The following ACVR2B variants were observed in gnomAD, a reference collection of about 807,000 sequenced individuals.
ACVR2B encodes the protein activin receptor type-2B.
A neutral mutation model predicts 65.1 loss-of-function variants in ACVR2B; 18 were observed. The ratio of observed to expected loss-of-function variants is 0.28; its 90% CI spans 0.19 to 0.41. The LOEUF is 0.41. Among genes scored for constraint, ACVR2B ranks in the 10% least tolerant of loss-of-function variants. ACVR2B has a pLI of 1.00. For missense variants in ACVR2B, 482 were observed against 682.7 expected (o/e 0.71, Z 3.28); for synonymous variants, 298 against 277.7 (o/e 1.07, Z -0.73).
At position 38,477,244 on chromosome 3, in the gene ACVR2B, T is replaced by A; in HGVS notation, c.53-43T>A. On this transcript the variant is annotated intron_variant, in intron 1 of 10. Coordinates refer to ENST00000352511, the MANE Select transcript of ACVR2B (RefSeq NM_001106.4). This position sits in a 1 kb window ranked among gnomAD's most constrained non-coding sequence, Gnocchi z 6.7. ...CTGGGAGTAGGGGTTTGGGTGGTGG[T>A]CCCAGGGGCATGCTCAGTGGTTCTC... 6.2e-7 allele frequency: 1 copy of A among 1,609,110 alleles called. No individual in the cohort carries two copies. The highest frequency in any genetic ancestry group is 1.1e-5 in the South Asian group (1 of 90,786).
chr3:38,482,379 G>C, intron 9 of ACVR2B, 43 bp downstream of exon 9: 1 of 1,610,400 alleles, frequency 6.2e-7, no homozygotes, highest in Non-Finnish European at 8.5e-7. Context: ...TTGAGTGATA[G>C]GGAGCAGTGG....
At chr3:38,463,034 C>T (rs527853011) in intron 1 of ACVR2B, among the ~76,000 whole-genome samples, 4 of 152,056 alleles carry the variant, frequency 2.6e-5, no homozygotes, top group East Asian at 1.9e-4. Flanking sequence ...ATGAAGGGTG[C>T]GCGGACATGG....
chr3:38,464,535 T>C (rs1007184716), intron 1 of ACVR2B, among the ~76,000 whole-genome samples: 1 of 152,110 alleles, frequency 6.6e-6, no homozygotes, highest in Non-Finnish European at 1.5e-5. Context: ...ACCAGGCCAG[T>C]ATCTGCATGA....
chr3:38,478,637 G>A, intron 5 of ACVR2B, 119 bp downstream of exon 5: 1 of 1,364,176 alleles, frequency 7.3e-7, no homozygotes, highest in Non-Finnish European at 1.0e-6. Flanking sequence ...AGAAAAGTGA[G>A]CCTTACTGGG....
Position 38,482,192 on chromosome 3 carries a change from A to C in ACVR2B, c.1075-6A>C, listed in dbSNP as rs759519802. 1.2e-6 allele frequency: 2 copies of C among 1,613,534 alleles called. No individual in the cohort carries two copies. Among genetic ancestry groups the C allele is most frequent in the Non-Finnish European group, 1.7e-6 (2 of 1,179,914 alleles). On this transcript the variant is annotated splice_polypyrimidine_tract_variant and splice_region_variant and intron_variant, in intron 8 of 10. Transcript: ENST00000352511. ...GTAAATCCTGCCCTCCTCTGTCCTC[A>C]CATAGGTAGGCACGAGACGGTACAT...
At chr3:38,459,042 G>A (rs923885751) in intron 1 of ACVR2B, among the ~76,000 whole-genome samples, 1 of 152,144 alleles carries the variant, frequency 6.6e-6, no homozygotes, top group Non-Finnish European at 1.5e-5. Flanking sequence ...GCAGAGGTGA[G>A]AGCAAAATCA....
rs1056241459 is a variant in ACVR2B at position 38,481,141 on chromosome 3, A to T, written c.960-210A>T. ...GTGTTGCTTTGCCAACCCTGGGGGA[A>T]GCCTTCCATCTGAAGTGCACTGAGG... On this transcript the variant is annotated intron_variant, in intron 7 of 10. Coordinates refer to ENST00000352511, the MANE Select transcript of ACVR2B (RefSeq NM_001106.4). This position sits in a 1 kb window ranked among gnomAD's most constrained non-coding sequence, Gnocchi z 4.7. Among the ~76,000 whole-genome samples the T allele has an allele frequency of 6.6e-6, 1 of 152,126 alleles. No homozygotes were observed. The highest frequency in any genetic ancestry group is 2.4e-5 in the African/African-American group (1 of 41,410).
At position 38,478,534 on chromosome 3, in the gene ACVR2B, G is replaced by A. The variant is rs1709956740; in HGVS notation, c.666+16G>A. The A allele has an allele frequency of 1.2e-6, 2 of 1,613,884 alleles. No individual in the cohort carries two copies. The highest frequency in any genetic ancestry group is 1.1e-5 in the South Asian group (1 of 91,070). On this transcript the variant is annotated intron_variant, in intron 5 of 10. Transcript: ENST00000352511. ...CCCACTCCAGGTGAGTGTTTGAGGG[G>A]CTCCATCCAGGTCCTCTGCCTCCAC...
intron 10 of ACVR2B, among the ~76,000 whole-genome samples, chr3:38,482,892 GGTTC>G (rs1331428920): frequency 1.3e-5 from 2 of 152,114 alleles, no homozygotes; most frequent in African/African-American, 4.8e-5. Context: ...TGTATGTTGA[GGTTC>G]AATGAACCTT....
intron 1 of ACVR2B, among the ~76,000 whole-genome samples, chr3:38,473,164 C>T (rs1329809120): frequency 6.6e-6 from 1 of 152,138 alleles, no homozygotes; most frequent in Non-Finnish European, 1.5e-5. Context: ...AGGGACTGCC[C>T]CTTGGGGACA....
rs1170364641 is a variant in ACVR2B, at chr3:38,454,356, TG to T, written c.38del (p.Gly13AspfsTer61). 2 of 1,285,556 alleles carry T rather than the reference TG, an allele frequency of 1.6e-6. No homozygotes were observed. Among genetic ancestry groups the T allele is most frequent in the South Asian group, 2.6e-5 (1 of 38,016 alleles). 79.6% of individuals were successfully genotyped at this position (1,285,556 alleles called of 1,614,324 possible). On this transcript the variant is annotated frameshift_variant, in exon 1 of 11. Transcript: ENST00000352511. LOFTEE classifies it high-confidence loss of function. ...TAPWVALALL[W>X]GSLCAGSGRG... ...GCCCTGGGTGGCCCTCGCCCTCCTC[TG>T]GGGATCGCTGTGCGCCGGTAAGAAC...
rs930029081 is a variant in ACVR2B, at chr3:38,488,867, C to T, written c.*5535C>T. The T allele has an allele frequency of 6.6e-6, 1 of 152,178 alleles. No individual in the cohort carries two copies. The highest frequency in any genetic ancestry group is 2.4e-5 in the African/African-American group (1 of 41,430). 9.4% of individuals were successfully genotyped at this position (152,178 alleles called of 1,614,324 possible). ...GCAGTGTCTTTGGATTGTCTAGGGC[C>T]TAGGTAATTCTGAGAACTACTGTAA... On this transcript the variant is annotated 3_prime_UTR_variant, in exon 11 of 11. Transcript: ENST00000352511.
intron 5 of ACVR2B, 120 bp downstream of exon 5, chr3:38,478,638 C>G (rs1575588021): frequency 1.5e-6 from 2 of 1,363,020 alleles, no homozygotes; most frequent in Non-Finnish European, 1.0e-6. Flanking sequence ...GAAAAGTGAG[C>G]CTTACTGGGC....
Position 38,457,211 on chromosome 3 carries a change from A to T in ACVR2B, c.52+2837A>T, listed in dbSNP as rs146324705. ...GAGTGAGGCTCCGTCTCAAAAAAAA[A>T]GTATATTTCACTGAATTTGATATAT... On this transcript the variant is annotated intron_variant, in intron 1 of 10. Transcript: ENST00000352511. Among the ~76,000 whole-genome samples, 1,030 of 152,104 alleles carry T rather than the reference A, an allele frequency of 6.8e-3. 11 individuals are homozygous for T. The highest frequency in any genetic ancestry group is 0.022 in the African/African-American group (912 of 41,518).
intron 1 of ACVR2B, among the ~76,000 whole-genome samples, chr3:38,459,273 T>G (rs1709600304): frequency 6.6e-6 from 1 of 152,162 alleles, no homozygotes; most frequent in Admixed American, 6.5e-5. Flanking sequence ...GGTGTACAGC[T>G]TACCACCGAG....
rs1575590500 is a variant in ACVR2B at position 38,483,343 on chromosome 3, T to G, written c.*11T>G. ...GAGTCAAGCATCTAAGCCCAGGACATGAGTGTCTGTCCAGACTCAGTGGAT... is the reference window on the plus strand; with the variant it reads ...GAGTCAAGCATCTAAGCCCAGGACAGGAGTGTCTGTCCAGACTCAGTGGAT... On this transcript the variant is annotated 3_prime_UTR_variant, in exon 11 of 11. Coordinates refer to ENST00000352511, the MANE Select transcript of ACVR2B (RefSeq NM_001106.4). The surrounding 1 kb of genome is among the most constrained non-coding windows in gnomAD (Gnocchi z 4.8). The G allele has an allele frequency of 1.2e-6, 2 of 1,613,952 alleles. No individual in the cohort carries two copies. Among genetic ancestry groups the G allele is most frequent in the East Asian group, 4.5e-5 (2 of 44,876 alleles).
chr3:38,459,747 G>A (rs1709610120), intron 1 of ACVR2B: 1 of 899,324 alleles, frequency 1.1e-6, no homozygotes. Context: ...CTGAGGGCAG[G>A]GCCAGGCTTC....
At chr3:38,476,871 G>A (rs1199382173) in intron 1 of ACVR2B, 1 of 306,392 alleles carries the variant, frequency 3.3e-6, no homozygotes, top group African/African-American at 2.1e-5. Context: ...ATGTGCACTG[G>A]GGTTTTAAGG....
At chr3:38,460,858 C>T (rs1709634420) in intron 1 of ACVR2B, among the ~76,000 whole-genome samples, 1 of 152,200 alleles carries the variant, frequency 6.6e-6, no homozygotes, top group Non-Finnish European at 1.5e-5. Context: ...ACTCTGACAA[C>T]CAAGGAGGCT....
Sources: gnomAD v4.1 joint callset for allele counts (sites outside exome capture counted in the v4.1 genomes callset) on GRCh38, gnomAD v4.1.1 for gene constraint, Gnocchi (gnomAD v3.1) non-coding constraint, MANE v1.5 for transcripts, NCBI Gene and HGNC (gene_info 2026-07-23, HGNC 2026-07-21) for gene names.